CTNNA2: variants seen among roughly 807,000 people sequenced by gnomAD.
CTNNA2 encodes the protein catenin alpha-2.
In CTNNA2, 42 loss-of-function variants were observed where a neutral mutation model predicts 101.0. The observed-to-expected ratio is 0.42, with a 90% CI of 0.32 to 0.54. The LOEUF (loss-of-function observed/expected upper bound fraction) is 0.54, where lower values mean the gene tolerates loss of function less well. CTNNA2 is among the 20% of genes least tolerant of loss of function. CTNNA2 has a pLI of 0.14. For missense variants in CTNNA2, 871 were observed against 1,223.1 expected, an observed-to-expected ratio of 0.71 and a Z score of 4.29; for synonymous variants, 450 against 456.4, an observed-to-expected ratio of 0.99 and a Z score of 0.18.
chr2:80,286,067 G>A (rs1312522603), intron 7 of CTNNA2, among the ~76,000 whole-genome samples: 1 of 152,130 alleles, frequency 6.6e-6, no homozygotes, highest in African/African-American at 2.4e-5. Flanking sequence ...TCTCAGGAAT[G>A]GTGCTCTGAT....
chr2:80,399,050 A>T (rs1678312390), intron 8 of CTNNA2, among the ~76,000 whole-genome samples: 1 of 149,638 alleles, frequency 6.7e-6, no homozygotes, highest in Non-Finnish European at 1.5e-5. Context: ...CTGGGATTAC[A>T]AGCATGTGCC....
At chr2:80,161,205 A>G (rs1397459967) in intron 7 of CTNNA2, among the ~76,000 whole-genome samples, 3 of 152,232 alleles carry the variant, frequency 2.0e-5, no homozygotes, top group African/African-American at 7.2e-5. Flanking sequence ...TAGTAGAGAC[A>G]GGGTTTCACC....
intron 2 of CTNNA2, among the ~76,000 whole-genome samples, chr2:79,658,582 A>G (rs185987264): frequency 4.6e-5 from 7 of 152,214 alleles, no homozygotes; most frequent in African/African-American, 1.4e-4. Context: ...AAACCTGTGA[A>G]GTTATTGAGA....
intron 7 of CTNNA2, among the ~76,000 whole-genome samples, chr2:80,036,696 C>G (rs1028587351): frequency 6.6e-6 from 1 of 152,084 alleles, no homozygotes; most frequent in East Asian, 1.9e-4. Context: ...CAGGGAGCTT[C>G]TCATGGGAAG....
intron 1 of CTNNA2, among the ~76,000 whole-genome samples, chr2:79,613,622 AATAAC>A (rs1412243787): frequency 3.9e-5 from 6 of 152,184 alleles, no homozygotes; most frequent in Admixed American, 2.0e-4. Context: ...TAACAAAAAT[AATAAC>A]ATAACTAACA....
chr2:79,706,295 G>A (rs1437884401), intron 2 of CTNNA2, among the ~76,000 whole-genome samples: 1 of 150,046 alleles, frequency 6.7e-6, no homozygotes, highest in South Asian at 2.1e-4. Flanking sequence ...CCCGGGAGGC[G>A]GAGCTTGCAG....
chr2:79,912,223 C>T (rs1431289906), intron 7 of CTNNA2, among the ~76,000 whole-genome samples: 1 of 152,238 alleles, frequency 6.6e-6, no homozygotes, highest in East Asian at 1.9e-4. Flanking sequence ...CCCAGATGAA[C>T]ATTCCACTTA....
chr2:80,534,673 G>A (rs753334871), intron 9 of CTNNA2, among the ~76,000 whole-genome samples: 8 of 152,128 alleles, frequency 5.3e-5, no homozygotes, highest in Non-Finnish European at 1.0e-4. Context: ...ATGATATGTT[G>A]GTGGAGAAGT....
At chr2:80,196,465 G>A (rs1706841916) in intron 7 of CTNNA2, among the ~76,000 whole-genome samples, 1 of 152,126 alleles carries the variant, frequency 6.6e-6, no homozygotes, top group South Asian at 2.1e-4. Flanking sequence ...TCACAACTAA[G>A]GCCCTATTTT....
Position 80,647,723 on chromosome 2 carries a change from T to G in CTNNA2, c.2713T>G (p.Ser905Ala). The change falls in exon 19 of 19, where the codon TCT becomes GCT. Residue 905 changes from serine to alanine, a missense_variant. Coordinates refer to ENST00000402739, the MANE Select transcript of CTNNA2 (RefSeq NM_001282597.3). ...GTAAVNSPVV[S>A]WKMKAPEKKP... The stretch of plus-strand genomic sequence containing the variant: ...AGCAGCTGTCAACTCACCTGTTGTG[T>G]CTTGGAAGATGAAGGCTCCAGAGAA... 1 of 1,613,508 alleles carries G rather than the reference T, an allele frequency of 6.2e-7. No individual in the cohort carries two copies. The highest frequency in any genetic ancestry group is 2.2e-5 in the East Asian group (1 of 44,848).
chr2:80,286,326 C>T (rs1674765958), intron 7 of CTNNA2, among the ~76,000 whole-genome samples: 1 of 152,134 alleles, frequency 6.6e-6, no homozygotes, highest in African/African-American at 2.4e-5. Flanking sequence ...AGATGATATT[C>T]TCCTCAGAGG....
intron 9 of CTNNA2, among the ~76,000 whole-genome samples, chr2:80,426,170 A>G (rs1354031871): frequency 6.6e-6 from 1 of 152,136 alleles, no homozygotes; most frequent in East Asian, 1.9e-4. Flanking sequence ...CCCTGAGGGT[A>G]TGCCGAGCTG....
chr2:80,414,904 T>C (rs1246029401), intron 8 of CTNNA2, among the ~76,000 whole-genome samples: 1 of 152,202 alleles, frequency 6.6e-6, no homozygotes, highest in Admixed American at 6.5e-5. Flanking sequence ...CAGATTCTGG[T>C]TAAAAGCAGG....
At chr2:79,518,787 T>C (rs935782288) in intron 1 of CTNNA2, among the ~76,000 whole-genome samples, 2 of 152,202 alleles carry the variant, frequency 1.3e-5, no homozygotes, top group Admixed American at 6.5e-5. Flanking sequence ...CTCAATTGTT[T>C]CCGGGAAAGG....
chr2:79,432,001 C>T (rs1046674645), intron 4 of CTNNA2, among the ~76,000 whole-genome samples: 3 of 152,158 alleles, frequency 2.0e-5, no homozygotes, highest in African/African-American at 7.2e-5. Flanking sequence ...TACAGTACTA[C>T]TGGAAAGATA....
chr2:80,038,736 C>T (rs1286512764), intron 7 of CTNNA2, among the ~76,000 whole-genome samples: 1 of 152,140 alleles, frequency 6.6e-6, no homozygotes, highest in Non-Finnish European at 1.5e-5. Flanking sequence ...ATCCCAGCTA[C>T]TGGGGAGGCT....
In CTNNA2 at chr2:80,619,244, T is replaced by G; in HGVS notation, c.2574+16T>G. Reference sequence around the variant, plus strand: ...TTCCTCCATGGTGAGTAAATTGACTTTCTAATCTAATGTCTTTCATTGTAA... The same window carrying G: ...TTCCTCCATGGTGAGTAAATTGACTGTCTAATCTAATGTCTTTCATTGTAA... On this transcript the variant is annotated intron_variant, in intron 18 of 18. Coordinates refer to ENST00000402739, the MANE Select transcript of CTNNA2 (RefSeq NM_001282597.3). The G allele has an allele frequency of 6.6e-7, 1 of 1,520,946 alleles. No individual in the cohort carries two copies. Among genetic ancestry groups the G allele is most frequent in the Non-Finnish European group, 8.8e-7 (1 of 1,131,646 alleles). 94.2% of individuals were successfully genotyped at this position (1,520,946 alleles called of 1,614,324 possible).
intron 7 of CTNNA2, among the ~76,000 whole-genome samples, chr2:80,223,204 T>C (rs892769467): frequency 6.6e-6 from 1 of 152,176 alleles, no homozygotes; most frequent in Non-Finnish European, 1.5e-5. Context: ...GAGGCTTTCT[T>C]TGAGTGGTCT....
intron 14 of CTNNA2, among the ~76,000 whole-genome samples, chr2:80,584,913 A>G (rs1271336371): frequency 6.6e-6 from 1 of 152,110 alleles, no homozygotes; most frequent in Non-Finnish European, 1.5e-5. Flanking sequence ...GAGAGTTTTT[A>G]CTTGAGTTAA....
Sources: gnomAD v4.1 joint callset for allele counts (sites outside exome capture counted in the v4.1 genomes callset) on GRCh38, gnomAD v4.1.1 for gene constraint, MANE v1.5 for transcripts, NCBI Gene and HGNC (gene_info 2026-07-23, HGNC 2026-07-21) for gene names.